Variants in TMEM37 observed in about 807,000 individuals in gnomAD.
TMEM37 encodes the protein voltage-dependent calcium channel gamma-like subunit.
Under a neutral mutation model 11.0 loss-of-function variants are expected in TMEM37, and 12 were observed. That is an observed-to-expected ratio of 1.09 (90% CI 0.70 to 1.76). The LOEUF (loss-of-function observed/expected upper bound fraction) is 1.76, where lower values mean the gene tolerates loss of function less well. TMEM37 is among the 40% of genes most tolerant of loss of function. The pLI is 0.00. For synonymous variants in TMEM37, 127 were observed against 110.5 expected, an observed-to-expected ratio of 1.15 and a Z score of -0.94; for missense variants, 203 against 251.2, an observed-to-expected ratio of 0.81 and a Z score of 1.30.
rs1470125095 is a variant in TMEM37, at chr2:119,431,858, G to A, written c.-46G>A. ...CGGGCTGGCGCCGGCGGCCACAGCG[G>A]AGCAGCTGGAGCGATCGAGGCTGCA... On this transcript the variant is annotated 5_prime_UTR_variant, in exon 1 of 2. Coordinates refer to ENST00000306406, the MANE Select transcript of TMEM37 (RefSeq NM_183240.3). 9 of 1,231,488 alleles carry A rather than the reference G, an allele frequency of 7.3e-6. No individual in the cohort carries two copies. The highest frequency in any genetic ancestry group is 3.7e-5 in the South Asian group (1 of 26,790). 76.3% of individuals were successfully genotyped at this position (1,231,488 alleles called of 1,614,324 possible). A position where few individuals can be genotyped will look rare whatever the true frequency, so the allele number is the denominator to read the frequency against.
At position 119,437,752 on chromosome 2, in the gene TMEM37, A is replaced by G. The variant is rs1229585542; in HGVS notation, c.*312A>G. On this transcript the variant is annotated 3_prime_UTR_variant, in exon 2 of 2. Transcript: ENST00000306406. The stretch of plus-strand genomic sequence containing the variant: ...CTTGAATTTTCTTCCCTGGACTGGA[A>G]TACAGTTGGAAGCACAGGGGTAACT... The G allele has an allele frequency of 8.0e-6, 3 of 375,118 alleles. No individual in the cohort carries two copies. The allele number at this position is 375,118 out of a possible 1,614,324, so 23.2% of individuals were successfully genotyped here.
intron 1 of TMEM37, chr2:119,432,131 A>G (rs1356756891): frequency 2.6e-6 from 1 of 377,606 alleles, no homozygotes; most frequent in Non-Finnish European, 4.7e-6. Flanking sequence ...CCTGCCTCAC[A>G]TAGCTGCTCC....
Position 119,431,913 on chromosome 2 carries a change from G to T in TMEM37, c.10G>T (p.Val4Phe), listed in dbSNP as rs919170762. ...GGCCGCCGGGCGCAGCATGACTGCC[G>T]TCGGCGTGCAGGTAGCCGGCGCCTG... Reference protein sequence around the residue: MTAVGVQAQRPLGQ... With the variant: MTAFGVQAQRPLGQ... Residue 4 changes from valine to phenylalanine, a missense_variant, in exon 1 of 2, where the codon GTC (valine) becomes TTC (phenylalanine). Transcript: ENST00000306406. The T allele has an allele frequency of 3.3e-6, 4 of 1,226,060 alleles. No homozygotes were observed. Among genetic ancestry groups the T allele is most frequent in the Non-Finnish European group, 4.1e-6 (4 of 984,298 alleles). 75.9% of individuals were successfully genotyped at this position (1,226,060 alleles called of 1,614,324 possible).
upstream of TMEM37, chr2:119,431,758 T>C: frequency 3.2e-6 from 2 of 623,530 alleles, no homozygotes; most frequent in Non-Finnish European, 4.5e-6. Context: ...CCGCCCGGGG[T>C]TAATCGCCGA....
At chr2:119,431,409 C>G (rs1682391060), upstream of TMEM37, among the ~76,000 whole-genome samples, 1 of 152,212 alleles carries the variant, frequency 6.6e-6, no homozygotes, top group African/African-American at 2.4e-5. Flanking sequence ...ACAAGCAGCC[C>G]AAGGTCACAC....
At chr2:119,432,962 C>T (rs1682432960) in intron 1 of TMEM37, among the ~76,000 whole-genome samples, 2 of 152,228 alleles carry the variant, frequency 1.3e-5, no homozygotes, top group South Asian at 4.1e-4. Flanking sequence ...ACCTAGGCAC[C>T]TGGGCGAAGC....
intron 1 of TMEM37, among the ~76,000 whole-genome samples, chr2:119,434,367 T>C (rs1682459779): frequency 6.6e-6 from 1 of 152,188 alleles, no homozygotes; most frequent in Admixed American, 6.5e-5. Context: ...CTCAGGAAGT[T>C]AAGAAACTGC....
intron 1 of TMEM37, among the ~76,000 whole-genome samples, chr2:119,434,641 C>T (rs1353740343): frequency 6.6e-6 from 1 of 152,146 alleles, no homozygotes; most frequent in Non-Finnish European, 1.5e-5. Flanking sequence ...AGAACCACAG[C>T]CCATACTCTT....
chr2:119,432,984 C>T (rs547207175), intron 1 of TMEM37, among the ~76,000 whole-genome samples: 2 of 152,302 alleles, frequency 1.3e-5, no homozygotes, highest in African/African-American at 2.4e-5. Flanking sequence ...GGGCATGGGG[C>T]GCAGGGAATT....
chr2:119,431,097 C>T (rs935905708), upstream of TMEM37, among the ~76,000 whole-genome samples: 7 of 151,844 alleles, frequency 4.6e-5, no homozygotes, highest in Non-Finnish European at 7.4e-5. Context: ...TGCAGTGAGC[C>T]GTGATCGCGT....
upstream of TMEM37, among the ~76,000 whole-genome samples, chr2:119,431,245 T>C (rs1682388009): frequency 6.6e-6 from 1 of 151,694 alleles, no homozygotes; most frequent in African/African-American, 2.4e-5. Flanking sequence ...CCCTGAGGAG[T>C]TCAGGAGGAA....
chr2:119,430,096 T>G, upstream of TMEM37: 1 of 915,720 alleles, frequency 1.1e-6, no homozygotes, highest in Non-Finnish European at 1.7e-6. Flanking sequence ...TGTGGGCTCT[T>G]TATCCAGAAC....
At chr2:119,430,193 A>C (rs879709216), upstream of TMEM37, 3 of 641,316 alleles carry the variant, frequency 4.7e-6, no homozygotes, top group African/African-American at 5.4e-5. Flanking sequence ...CAGAGCAGAG[A>C]GGCACCAGGC....
At chr2:119,431,766 C>G (rs887513051), upstream of TMEM37, 74 of 687,816 alleles carry the variant, frequency 1.1e-4, no homozygotes, top group Non-Finnish European at 1.4e-4. Flanking sequence ...GGTTAATCGC[C>G]GAGCTTTGAA....
intron 1 of TMEM37, 92 bp downstream of exon 1, chr2:119,432,016 C>A: frequency 1.1e-6 from 1 of 896,078 alleles, no homozygotes; most frequent in Non-Finnish European, 1.5e-6. Context: ...GTACCCACCG[C>A]GAGCGCCGGC....
chr2:119,434,082 C>G (rs114095535), intron 1 of TMEM37, among the ~76,000 whole-genome samples: 55 of 152,176 alleles, frequency 3.6e-4, no homozygotes, highest in African/African-American at 1.2e-3. Flanking sequence ...ACTTTCTGAT[C>G]CTGACGTGAC....
chr2:119,430,081 T>C, upstream of TMEM37: 1 of 1,021,378 alleles, frequency 9.8e-7, no homozygotes, highest in Admixed American at 2.2e-5. Flanking sequence ...GGTCTTCCTT[T>C]CCCATGTGGG....
At chr2:119,434,778 G>T (rs1022335204) in intron 1 of TMEM37, among the ~76,000 whole-genome samples, 1 of 152,166 alleles carries the variant, frequency 6.6e-6, no homozygotes, top group Non-Finnish European at 1.5e-5. Flanking sequence ...AGGGCATGGG[G>T]CACAGGGAAT....
At chr2:119,430,909 G>A (rs1682380435), upstream of TMEM37, among the ~76,000 whole-genome samples, 1 of 152,154 alleles carries the variant, frequency 6.6e-6, no homozygotes, top group Admixed American at 6.5e-5. Context: ...GGCCGAGATC[G>A]GTGGATCACC....
Sources: gnomAD v4.1 joint callset for allele counts (sites outside exome capture counted in the v4.1 genomes callset) on GRCh38, gnomAD v4.1.1 for gene constraint, MANE v1.5 for transcripts, NCBI Gene and HGNC (gene_info 2026-07-23, HGNC 2026-07-21) for gene names.